The following OPTN variants were observed in gnomAD, a reference collection of about 807,000 sequenced individuals.
OPTN encodes the protein E3-14.7K-interacting protein.
OPTN carries 54 observed loss-of-function variants against 70.4 expected under a neutral mutation model. The ratio of observed to expected loss-of-function variants is 0.77; its 90% CI spans 0.62 to 0.96. The LOEUF (loss-of-function observed/expected upper bound fraction) is 0.96, where lower values mean the gene tolerates loss of function less well. Ranked by LOEUF, OPTN falls within the 40% of genes least tolerant of loss-of-function variation. The pLI is 0.00. For missense variants in OPTN, 624 were observed against 673.2 expected (o/e 0.93, Z 0.81); for synonymous variants, 256 against 248.5 (o/e 1.03, Z -0.28).
intron 12 of OPTN, among the ~76,000 whole-genome samples, chr10:13,128,251 T>C (rs992175486): frequency 2.0e-5 from 3 of 152,184 alleles, no homozygotes; most frequent in Non-Finnish European, 4.4e-5. Context: ...TTACTCACTT[T>C]TAACAGGTAA....
chr10:13,119,064 T>C, intron 7 of OPTN, 24 bp downstream of exon 7: 2 of 1,610,058 alleles, frequency 1.2e-6, no homozygotes, highest in Non-Finnish European at 8.5e-7. Context: ...TAACTTGAAA[T>C]ATGTGTTTTT....
Position 13,132,174 on chromosome 10 carries a change from T to G in OPTN, c.1509T>G (p.Asn503Lys), listed in dbSNP as rs769148305. 1.1e-5 allele frequency: 18 copies of G among 1,613,034 alleles called. No individual in the cohort carries two copies. Among genetic ancestry groups the G allele is most frequent in the Non-Finnish European group, 1.5e-5 (18 of 1,179,342 alleles). Reference protein sequence around the residue: ...ALQLAVLLKENDAFEDGGRQS... With the variant: ...ALQLAVLLKEKDAFEDGGRQS... ...AGCTGGCAGTTCTGCTGAAAGAGAA[T>G]GATGCTTTCGAAGACGGAGGCAGGT... The change falls in exon 13 of 15, where the codon AAT (asparagine) becomes AAG (lysine). Residue 503 changes from asparagine (N) to lysine (K), a missense_variant. By Grantham distance (94) the Asn-to-Lys change is moderately conservative. Transcript: ENST00000378747.
chr10:13,120,131 C>T (rs374052143), intron 7 of OPTN, among the ~76,000 whole-genome samples: 19 of 151,696 alleles, frequency 1.3e-4, no homozygotes, highest in South Asian at 4.1e-4. Flanking sequence ...TACAGGCGCC[C>T]GCCACCACGC....
rs550163593 is a variant in OPTN, at chr10:13,116,667, T to A, written c.626+327T>A. 3 of 389,268 alleles carry A rather than the reference T, an allele frequency of 7.7e-6. No individual in the cohort carries two copies. The East Asian group carries it at 1.7e-4, about 22-fold the overall frequency. The allele number at this position is 389,268 out of a possible 1,614,324, so 24.1% of individuals were successfully genotyped here. A position where few individuals can be genotyped will look rare whatever the true frequency, so the allele number is the denominator to read the frequency against. ...AATCAAAGACATGTTTGCTCATTGG[T>A]TCCCCGGTGCCATTTGACCCAGACC... is the stretch of plus-strand genomic sequence containing the variant. On this transcript the variant is annotated intron_variant, in intron 6 of 14. Coordinates refer to ENST00000378747, the MANE Select transcript of OPTN (RefSeq NM_001008212.2).
intron 1 of OPTN, among the ~76,000 whole-genome samples, chr10:13,107,803 G>A (rs1832900846): frequency 6.6e-6 from 1 of 152,250 alleles, no homozygotes; most frequent in Non-Finnish European, 1.5e-5. Context: ...TGTACACAGC[G>A]TCAGCGGGGA....
rs1833735453 is a variant in OPTN at position 13,138,279 on chromosome 10, G to C, written c.*1413G>C. Reference sequence around the variant, plus strand: ...TGCATTGAGATACTAAAGCATTTAAGAAAAAATTAAAAGATCTCTTTTGTT... The same window carrying C: ...TGCATTGAGATACTAAAGCATTTAACAAAAAATTAAAAGATCTCTTTTGTT... On this transcript the variant is annotated 3_prime_UTR_variant, in exon 15 of 15. Transcript: ENST00000378747. 1 of 179,490 alleles carries C rather than the reference G, an allele frequency of 5.6e-6. No individual in the cohort carries two copies. The highest frequency in any genetic ancestry group is 2.4e-5 in the African/African-American group (1 of 42,336). The allele number at this position is 179,490 out of a possible 1,614,324, so 11.1% of individuals were successfully genotyped here.
chr10:13,134,655 T>G (rs1037716258), intron 14 of OPTN, among the ~76,000 whole-genome samples: 1 of 152,224 alleles, frequency 6.6e-6, no homozygotes, highest in Non-Finnish European at 1.5e-5. Flanking sequence ...CTCAAATTCC[T>G]GACCCCAGGA....
rs56147136 is a variant in OPTN at position 13,128,502 on chromosome 10, CTTTTTTTTTTTTTTT to C, written c.1401+617_1401+631del. 5.1e-3 allele frequency among the ~76,000 whole-genome samples: 171 copies of C among 33,486 alleles called. 4 individuals carry two copies. Among genetic ancestry groups the C allele is most frequent in the Admixed American group, 0.027 (132 of 4,904 alleles). The allele number at this position is 33,486 out of a possible 152,430, so 22.0% of individuals were successfully genotyped here. A position where few individuals can be genotyped will look rare whatever the true frequency, so the allele number is the denominator to read the frequency against. On this transcript the variant is annotated intron_variant, in intron 12 of 14. Transcript: ENST00000378747. ...TTGTGAAGTGCCTTATCAAGCCTGC[CTTTTTTTTTTTTTTT>C]TTTTTTTTTTTTTTTTTGGTTTGGT...
At chr10:13,129,054 T>C (rs184536495) in intron 12 of OPTN, among the ~76,000 whole-genome samples, 156 of 152,280 alleles carry the variant, frequency 1.0e-3, no homozygotes, top group African/African-American at 3.6e-3. Flanking sequence ...CAGGAAGATA[T>C]TCCCTCTGTT....
At chr10:13,114,309 A>C (rs1044710815) in intron 5 of OPTN, among the ~76,000 whole-genome samples, 2 of 152,280 alleles carry the variant, frequency 1.3e-5, no homozygotes, top group Non-Finnish European at 2.9e-5. Context: ...CAAAATCAAG[A>C]TAATTAAAAT....
chr10:13,126,358 G>GCAAGCT (rs1463482260), intron 11 of OPTN, among the ~76,000 whole-genome samples: 2 of 149,842 alleles, frequency 1.3e-5, no homozygotes, highest in African/African-American at 5.0e-5. Context: ...TCGGCTCACT[G>GCAAGCT]CAAGCTCCGC....
chr10:13,127,291 C>G (rs556467062), intron 11 of OPTN, among the ~76,000 whole-genome samples: 4 of 152,274 alleles, frequency 2.6e-5, no homozygotes, highest in African/African-American at 9.6e-5. Flanking sequence ...AGTAGTGTTC[C>G]TCTCTTGGAC....
intron 14 of OPTN, among the ~76,000 whole-genome samples, chr10:13,136,229 G>T (rs953412040): frequency 3.3e-5 from 5 of 151,972 alleles, no homozygotes; most frequent in Admixed American, 3.3e-4. Flanking sequence ...CCTAAAACAG[G>T]CCAGGCGCAG....
intron 14 of OPTN, among the ~76,000 whole-genome samples, chr10:13,134,667 A>T (rs1436093191): frequency 6.6e-6 from 1 of 152,150 alleles, no homozygotes; most frequent in East Asian, 1.9e-4. Flanking sequence ...ACCCCAGGAG[A>T]TCTGCCCACG....
chr10:13,101,149 G>A (rs1157510694), intron 1 of OPTN, among the ~76,000 whole-genome samples: 3 of 152,222 alleles, frequency 2.0e-5, no homozygotes, highest in African/African-American at 7.2e-5. Flanking sequence ...GGCTGGAGAA[G>A]TCCCAGGGCA....
rs182842758 is a variant in OPTN, at chr10:13,111,886, T to C, written c.370-567T>C. On this transcript the variant is annotated intron_variant, in intron 4 of 14. Coordinates refer to ENST00000378747, the MANE Select transcript of OPTN (RefSeq NM_001008212.2). ...TTTTTGAGATGGAGTCTTGCTCTGT[T>C]GCCCAGGCTGGAGTACAGTGGCATA... Among the ~76,000 whole-genome samples, 1,219 of 144,540 alleles carry C rather than the reference T, an allele frequency of 8.4e-3. 14 individuals are homozygous for C. Among genetic ancestry groups the C allele is most frequent in the African/African-American group, 0.028 (1,079 of 38,942 alleles). The allele number at this position is 144,540 out of a possible 152,430, so 94.8% of individuals were successfully genotyped here.
intron 7 of OPTN, among the ~76,000 whole-genome samples, chr10:13,119,474 T>C (rs1379287101): frequency 6.6e-6 from 1 of 152,262 alleles, no homozygotes; most frequent in African/African-American, 2.4e-5. Flanking sequence ...ATTAGAGTTG[T>C]TGCCACTTTT....
chr10:13,110,698 C>T (rs563219626), intron 4 of OPTN, among the ~76,000 whole-genome samples: 1 of 152,132 alleles, frequency 6.6e-6, no homozygotes, highest in African/African-American at 2.4e-5. Context: ...AAGCTTTGAC[C>T]GTACTGATTG....
chr10:13,119,610 A>G (rs1394639615), intron 7 of OPTN, among the ~76,000 whole-genome samples: 1 of 152,192 alleles, frequency 6.6e-6, no homozygotes, highest in Non-Finnish European at 1.5e-5. Flanking sequence ...GCTATTTCAT[A>G]TTCTAAGGAA....
Sources: gnomAD v4.1 joint callset for allele counts (sites outside exome capture counted in the v4.1 genomes callset) on GRCh38, gnomAD v4.1.1 for gene constraint, MANE v1.5 for transcripts, NCBI Gene and HGNC (gene_info 2026-07-23, HGNC 2026-07-21) for gene names.